Variants in PLA2G5 observed in about 807,000 individuals in gnomAD.
PLA2G5 encodes phospholipase A2 group V, also known as Ca2+-dependent phospholipase A2.
Under a neutral mutation model 15.9 loss-of-function variants are expected in PLA2G5, and 12 were observed. The observed-to-expected ratio is 0.76, with a 90% CI of 0.48 to 1.23. The LOEUF is 1.23. PLA2G5 is among the 50% of genes most tolerant of loss of function. The probability of loss-of-function intolerance (pLI) is 0.00; values close to 1 mark genes in which losing one functional copy is unlikely to be tolerated. For synonymous variants in PLA2G5, 71 were observed against 71.4 expected (o/e 0.99, Z 0.03); for missense variants, 169 against 177.1 (o/e 0.95, Z 0.26).
chr1:20,034,862 G>A (rs746512354), intron 1 of PLA2G5, among the ~76,000 whole-genome samples: 12 of 152,152 alleles, frequency 7.9e-5, no homozygotes, highest in Non-Finnish European at 1.5e-4. Context: ...CTCACCCAGC[G>A]CTGGGATTTT....
chr1:20,048,591 C>A (rs1253339920), intron 1 of PLA2G5, among the ~76,000 whole-genome samples: 1 of 152,192 alleles, frequency 6.6e-6, no homozygotes, highest in Non-Finnish European at 1.5e-5. Flanking sequence ...GGACTGTTAT[C>A]ATCTTTATTT....
intron 3 of PLA2G5, 42 bp downstream of exon 3, chr1:20,086,269 G>T: frequency 6.3e-7 from 1 of 1,596,484 alleles, no homozygotes; most frequent in Non-Finnish European, 8.6e-7. Context: ...TCCAGGCTCT[G>T]CACCCATGTT....
chr1:20,042,600 T>A (rs1403426124), intron 1 of PLA2G5, among the ~76,000 whole-genome samples: 3 of 152,128 alleles, frequency 2.0e-5, no homozygotes, highest in African/African-American at 4.8e-5. Context: ...GAAAGAAGAA[T>A]GGTGAAAGGA....
intron 1 of PLA2G5, among the ~76,000 whole-genome samples, chr1:20,035,292 G>A (rs1000378022): frequency 3.9e-5 from 6 of 152,136 alleles, no homozygotes; most frequent in African/African-American, 1.4e-4. Flanking sequence ...GGTGGGAGGG[G>A]AGTTGCGGGG....
At chr1:20,036,543 C>G (rs2013257565) in intron 1 of PLA2G5, among the ~76,000 whole-genome samples, 1 of 152,056 alleles carries the variant, frequency 6.6e-6, no homozygotes, top group Non-Finnish European at 1.5e-5. Flanking sequence ...TTGAAACTTT[C>G]AAGTGTATTT....
intron 1 of PLA2G5, among the ~76,000 whole-genome samples, chr1:20,032,734 C>T (rs2013029081): frequency 6.6e-6 from 1 of 152,156 alleles, no homozygotes; most frequent in Admixed American, 6.5e-5. Context: ...AACCATCCTC[C>T]TTCCTGAATG....
chr1:20,031,516 C>G (rs1228915734), intron 1 of PLA2G5, among the ~76,000 whole-genome samples: 1 of 152,066 alleles, frequency 6.6e-6, no homozygotes, highest in Non-Finnish European at 1.5e-5. Context: ...GAAGGAATAA[C>G]AGGAAAGATC....
chr1:20,034,727 C>T (rs540274975), intron 1 of PLA2G5, among the ~76,000 whole-genome samples: 1 of 152,178 alleles, frequency 6.6e-6, no homozygotes, highest in African/African-American at 2.4e-5. Flanking sequence ...AGTCTAGAAA[C>T]GTTCCAAACT....
chr1:20,052,114 G>A (rs2014205679), intron 1 of PLA2G5, among the ~76,000 whole-genome samples: 1 of 142,866 alleles, frequency 7.0e-6, no homozygotes, highest in African/African-American at 2.6e-5. Context: ...TTAAAAATGG[G>A]AAACTGCCGA....
intron 1 of PLA2G5, among the ~76,000 whole-genome samples, chr1:20,032,210 C>T (rs1044098503): frequency 1.3e-5 from 2 of 152,154 alleles, no homozygotes; most frequent in African/African-American, 4.8e-5. Context: ...ATGGAATGCC[C>T]ATTTAATGTT....
intron 1 of PLA2G5, chr1:20,059,526 A>C (rs1385487245): frequency 6.6e-6 from 1 of 152,238 alleles, no homozygotes; most frequent in African/African-American, 2.4e-5. Flanking sequence ...AGTGAAGTAC[A>C]AATATGGGAA....
intron 1 of PLA2G5, among the ~76,000 whole-genome samples, chr1:20,073,768 G>A (rs1420060256): frequency 6.6e-6 from 1 of 152,034 alleles, no homozygotes; most frequent in Non-Finnish European, 1.5e-5. Context: ...TACTCAAGAG[G>A]CTGAGGCAGG....
intron 1 of PLA2G5, among the ~76,000 whole-genome samples, chr1:20,081,828 C>T (rs534582190): frequency 2.6e-5 from 4 of 151,700 alleles, no homozygotes; most frequent in African/African-American, 4.9e-5. Flanking sequence ...CCGAGGTGGG[C>T]GGATCCTGAG....
At chr1:20,087,095 T>C (rs1398527550) in intron 3 of PLA2G5, among the ~76,000 whole-genome samples, 1 of 152,232 alleles carries the variant, frequency 6.6e-6, no homozygotes, top group Non-Finnish European at 1.5e-5. Flanking sequence ...CCTGTTTAGC[T>C]TATTGTAGAT....
chr1:20,051,604 T>TA (rs1330303019), intron 1 of PLA2G5, among the ~76,000 whole-genome samples: 4 of 152,236 alleles, frequency 2.6e-5, no homozygotes, highest in African/African-American at 9.6e-5. Flanking sequence ...ATTCATAACT[T>TA]ATGGCAATAC....
chr1:20,036,735 G>A (rs373893791), intron 1 of PLA2G5, among the ~76,000 whole-genome samples: 3 of 152,026 alleles, frequency 2.0e-5, no homozygotes, highest in African/African-American at 7.2e-5. Context: ...GCATGATCTC[G>A]ACTCACTGCA....
chr1:20,055,915 A>G (rs1210430237), intron 1 of PLA2G5, among the ~76,000 whole-genome samples: 1 of 152,202 alleles, frequency 6.6e-6, no homozygotes, highest in Non-Finnish European at 1.5e-5. Context: ...TTTGGGGATC[A>G]GAGAAGGTTC....
chr1:20,045,784 G>A (rs546978989), intron 1 of PLA2G5, among the ~76,000 whole-genome samples: 5 of 152,306 alleles, frequency 3.3e-5, no homozygotes, highest in African/African-American at 1.2e-4. Context: ...AGCACTAAAT[G>A]TCATGCGTGT....
intron 1 of PLA2G5, among the ~76,000 whole-genome samples, chr1:20,045,317 G>A (rs2013838556): frequency 6.6e-6 from 1 of 152,064 alleles, no homozygotes; most frequent in Admixed American, 6.6e-5. Flanking sequence ...GCCCCCCTGG[G>A]GAGGTGGTGC....
Sources: gnomAD v4.1 joint callset for allele counts (sites outside exome capture counted in the v4.1 genomes callset) on GRCh38, gnomAD v4.1.1 for gene constraint, MANE v1.5 for transcripts, NCBI Gene and HGNC (gene_info 2026-07-23, HGNC 2026-07-21) for gene names.